The following ZNF700 variants were observed in gnomAD, a reference collection of about 807,000 sequenced individuals.
ZNF700 encodes the protein zinc finger protein 700.
ZNF700 carries 38 observed loss-of-function variants against 65.3 expected under a neutral mutation model. That is an observed-to-expected ratio of 0.58 (90% CI 0.45 to 0.76). ZNF700 has a LOEUF of 0.76. Ranked by LOEUF, ZNF700 falls within the 30% of genes least tolerant of loss-of-function variation. The pLI is 0.00. For synonymous variants in ZNF700, 285 were observed against 290.4 expected, an observed-to-expected ratio of 0.98 and a Z score of 0.19; for missense variants, 857 against 888.4, an observed-to-expected ratio of 0.96 and a Z score of 0.45.
rs186045903 is a variant in ZNF700 at position 11,929,941 on chromosome 19, C to A, written c.63+4668C>A. ...TTGGGATGAGGTTCCTTTATGGAAA[C>A]TTTGCAGGGTGATATGTCTTCAGTA... is the stretch of plus-strand genomic sequence containing the variant. On this transcript the variant is annotated intron_variant, in intron 1 of 3. Transcript: ENST00000254321. Among the ~76,000 whole-genome samples the A allele has an allele frequency of 9.4e-4, 139 of 148,356 alleles. 6 individuals carry two copies. Among genetic ancestry groups the A allele is most frequent in the Non-Finnish European group, 1.5e-3 (104 of 67,910 alleles).
intron 1 of ZNF700, among the ~76,000 whole-genome samples, chr19:11,942,166 T>C (rs767691569): frequency 4.0e-5 from 6 of 150,914 alleles, no homozygotes; most frequent in Non-Finnish European, 8.9e-5. Context: ...ACTTAGGTGT[T>C]TCCCCTCCTC....
chr19:11,933,581 C>T (rs1972745718), intron 1 of ZNF700, among the ~76,000 whole-genome samples: 1 of 147,776 alleles, frequency 6.8e-6, no homozygotes, highest in Non-Finnish European at 1.5e-5. Flanking sequence ...ATGTTCCTGC[C>T]TCGGTTTTGC....
Position 11,948,886 on chromosome 19 carries a change from C to T in ZNF700, c.862C>T (p.His288Tyr). 2 of 1,602,388 alleles carry T rather than the reference C, an allele frequency of 1.2e-6. No individual in the cohort carries two copies. Among genetic ancestry groups the T allele is most frequent in the South Asian group, 1.1e-5 (1 of 88,636 alleles). The change falls in exon 4 of 4, where the codon CAT (histidine) becomes TAT (tyrosine). Residue 288 changes from histidine (H) to tyrosine (Y), a missense_variant. By Grantham distance (83) the His-to-Tyr change is moderately conservative. Around this residue, in one of 3 missense-constraint regions of ZNF700, gnomAD observed 603 missense variants for 619.9 expected, o/e 0.97. Transcript: ENST00000254321. ...ATGTAGCAAATGTGATAAAGCATTT[C>T]ATAGTTCTAGTTCCTATCATAGACA... ...YECSKCDKAF[H>Y]SSSSYHRHER...
intron 1 of ZNF700, among the ~76,000 whole-genome samples, chr19:11,932,384 C>G (rs1039252299): frequency 2.0e-5 from 3 of 147,466 alleles, no homozygotes; most frequent in African/African-American, 7.9e-5. Flanking sequence ...TTTCAATATG[C>G]TATGCTGTTG....
intron 1 of ZNF700, among the ~76,000 whole-genome samples, chr19:11,937,499 T>G (rs1181639394): frequency 6.7e-6 from 1 of 149,314 alleles, no homozygotes; most frequent in Non-Finnish European, 1.5e-5. Context: ...CCTTTTTTTT[T>G]TTTTTTTGAG....
intron 1 of ZNF700, among the ~76,000 whole-genome samples, chr19:11,943,594 G>A (rs1972917601): frequency 6.6e-6 from 1 of 152,098 alleles, no homozygotes; most frequent in African/African-American, 2.4e-5. Flanking sequence ...GATGGGTTAT[G>A]GTACACATCA....
At position 11,948,732 on chromosome 19, in the gene ZNF700, A is replaced by G. The variant is rs772275750; in HGVS notation, c.708A>G (p.Leu236=). 1 of 1,612,950 alleles carries G rather than the reference A, an allele frequency of 6.2e-7. No individual in the cohort carries two copies. The highest frequency in any genetic ancestry group is 8.5e-7 in the Non-Finnish European group (1 of 1,179,790). ...FCGKAFHSFS[L]YLIHERTHTG... The stretch of plus-strand genomic sequence containing the variant: ...GGAAAGCCTTCCATTCTTTCAGTTT[A>G]TATCTTATCCATGAAAGAACTCACA... Residue 236 remains leucine, a synonymous_variant, in exon 4 of 4, where the codon TTA becomes TTG. Transcript: ENST00000254321.
chr19:11,932,428 C>G (rs1972727727), intron 1 of ZNF700, among the ~76,000 whole-genome samples: 1 of 148,316 alleles, frequency 6.7e-6, no homozygotes, highest in Non-Finnish European at 1.5e-5. Context: ...AGATTTATTT[C>G]TGTATAGAGT....
intron 1 of ZNF700, among the ~76,000 whole-genome samples, chr19:11,944,384 C>T (rs1161635190): frequency 3.9e-5 from 6 of 152,158 alleles, no homozygotes; most frequent in Admixed American, 3.9e-4. Flanking sequence ...TTTCCCTAAA[C>T]TATTTTTGAT....
rs144656458 is a variant in ZNF700, at chr19:11,950,185, A to G, written c.2161A>G (p.Ile721Val). 5.6e-6 allele frequency: 9 copies of G among 1,613,768 alleles called. No individual in the cohort carries two copies. The African/African-American group carries it at 1.2e-4, about 22-fold the overall frequency. Residue 721 changes from isoleucine (I) to valine (V), a missense_variant, in exon 4 of 4, where the codon ATA becomes GTA. Around this residue, in one of 3 missense-constraint regions of ZNF700, gnomAD observed 251 missense variants for 250.3 expected, o/e 1.00. Coordinates refer to ENST00000254321, the MANE Select transcript of ZNF700 (RefSeq NM_144566.3). The stretch of plus-strand genomic sequence containing the variant: ...ATTCAATTATTTTTCTTCCTTGCAT[A>G]TACACGCAAGGACTCATATGGGAGA... ...KAFNYFSSLH[I>V]HARTHMGEKP... is the part of the protein sequence containing the mutation.
At chr19:11,930,251 CAG>C (rs1463208819) in intron 1 of ZNF700, among the ~76,000 whole-genome samples, 7 of 148,504 alleles carry the variant, frequency 4.7e-5, no homozygotes, top group Non-Finnish European at 1.0e-4. Context: ...TGAGGAAAAA[CAG>C]AAATGATTCC....
chr19:11,944,844 G>A (rs765875961), intron 1 of ZNF700, among the ~76,000 whole-genome samples: 9 of 152,170 alleles, frequency 5.9e-5, no homozygotes, highest in Non-Finnish European at 8.8e-5. Context: ...TAGAAGTACC[G>A]GCTTAACAAC....
chr19:11,943,507 A>G (rs951610618), intron 1 of ZNF700, among the ~76,000 whole-genome samples: 5 of 151,696 alleles, frequency 3.3e-5, no homozygotes, highest in Non-Finnish European at 7.4e-5. Context: ...TGTTTTAGCT[A>G]TTTTTTTTAC....
chr19:11,948,538 A>T lies in ZNF700; in HGVS notation c.514A>T (p.Lys172Ter). ...ATATAAGTGTCAACAACCTAAAAAT[A>T]AGAAAGCCTTCAGGTATCGCCCATC... is the stretch of plus-strand genomic sequence containing the variant. ...KPYKCQQPKN[K>*]KAFRYRPSIR... Residue 172 changes from lysine to a stop codon, truncating the protein, a stop_gained, in exon 4 of 4, where the codon AAG (lysine) becomes TAG (stop). Coordinates refer to ENST00000254321, the MANE Select transcript of ZNF700 (RefSeq NM_144566.3). LOFTEE classifies it high-confidence loss of function. 1 of 1,610,716 alleles carries T rather than the reference A, an allele frequency of 6.2e-7. No homozygotes were observed. The highest frequency in any genetic ancestry group is 1.7e-4 in the Middle Eastern group (1 of 6,050).
intron 1 of ZNF700, among the ~76,000 whole-genome samples, chr19:11,937,168 A>G (rs1972808344): frequency 6.6e-6 from 1 of 152,184 alleles, no homozygotes; most frequent in Non-Finnish European, 1.5e-5. Context: ...CAAGGTTGTC[A>G]TGGTTTTCAC....
chr19:11,937,903 G>A (rs761372790), intron 1 of ZNF700, among the ~76,000 whole-genome samples: 3 of 152,086 alleles, frequency 2.0e-5, no homozygotes, highest in Non-Finnish European at 4.4e-5. Context: ...GCTGGAGATT[G>A]CAATTTTTTG....
At chr19:11,938,174 T>C (rs1290170023) in intron 1 of ZNF700, among the ~76,000 whole-genome samples, 1 of 152,082 alleles carries the variant, frequency 6.6e-6, no homozygotes, top group Non-Finnish European at 1.5e-5. Context: ...GTTCAAATGA[T>C]TCTCCTGCCT....
At chr19:11,937,712 T>A (rs1181296901) in intron 1 of ZNF700, among the ~76,000 whole-genome samples, 3 of 151,920 alleles carry the variant, frequency 2.0e-5, no homozygotes, top group African/African-American at 7.3e-5. Flanking sequence ...ATGGTCTCGA[T>A]CTCCTGACCT....
At chr19:11,944,319 A>G (rs747305077) in intron 1 of ZNF700, among the ~76,000 whole-genome samples, 10 of 140,078 alleles carry the variant, frequency 7.1e-5, no homozygotes, top group Non-Finnish European at 1.2e-4. Flanking sequence ...GGTAAATTTA[A>G]TCTTAATACC....
Sources: allele counts gnomAD v4.1 joint callset (sites outside exome capture counted in the v4.1 genomes callset), GRCh38; gene constraint gnomAD v4.1.1; regional missense constraint gnomAD v4.1.1; transcripts MANE v1.5; gene names NCBI Gene and HGNC (gene_info 2026-07-23, HGNC 2026-07-21).